MTMR9: variants seen among roughly 807,000 people sequenced by gnomAD.
MTMR9 encodes the protein myotubularin related protein 9, also known as myotubularin-related protein 9.
A neutral mutation model predicts 69.5 loss-of-function variants in MTMR9; 39 were observed. That is an observed-to-expected ratio of 0.56 (90% confidence interval 0.43 to 0.73). The LOEUF (loss-of-function observed/expected upper bound fraction) is 0.73. Ranked by LOEUF, MTMR9 falls within the 30% of genes least tolerant of loss-of-function variation. The pLI is 0.00. For synonymous variants in MTMR9, 354 were observed against 240.8 expected (o/e 1.47, Z -4.35); for missense variants, 900 against 671.2 (o/e 1.34, Z -3.77).
chr8:11,302,131 T>TAAA, intron 3 of MTMR9, among the ~76,000 whole-genome samples: 1 of 151,672 alleles, frequency 6.6e-6, no homozygotes, highest in Admixed American at 6.6e-5. Context: ...TGTGTGTCTT[T>TAAA]GGTCCCAGTT....
intron 4 of MTMR9, among the ~76,000 whole-genome samples, chr8:11,305,821 C>G (rs976554378): frequency 1.3e-5 from 2 of 152,176 alleles, no homozygotes; most frequent in African/African-American, 4.8e-5. Context: ...CCTGCCAACT[C>G]TATGTATGTT....
chr8:11,330,292 TGGG>T (rs975868781), downstream of MTMR9, among the ~76,000 whole-genome samples: 3 of 147,582 alleles, frequency 2.0e-5, no homozygotes, highest in Non-Finnish European at 4.5e-5. Context: ...GGGAGGGAGG[TGGG>T]GGGTCAGCCC....
chr8:11,290,779 C>T (rs1029038221), intron 1 of MTMR9, among the ~76,000 whole-genome samples: 2 of 151,730 alleles, frequency 1.3e-5, no homozygotes, highest in Non-Finnish European at 2.9e-5. Context: ...CATTAATCTG[C>T]TCTTTTGTCA....
At chr8:11,298,335 T>C (rs1799628093) in intron 2 of MTMR9, among the ~76,000 whole-genome samples, 1 of 152,090 alleles carries the variant, frequency 6.6e-6, no homozygotes. Context: ...GCTGTTCTGC[T>C]TCTGTTTGGT....
chr8:11,337,875 T>C, the MTMR9 span, among the ~76,000 whole-genome samples: 1 of 152,226 alleles, frequency 6.6e-6, no homozygotes, highest in Non-Finnish European at 1.5e-5. Flanking sequence ...CACAAGATAG[T>C]ACCTGTCCTC....
chr8:11,331,840 T>A, downstream of MTMR9: 1 of 1,611,980 alleles, frequency 6.2e-7, no homozygotes, highest in South Asian at 1.1e-5. Flanking sequence ...CAGACCCCCG[T>A]GTTGCCCAGT....
the MTMR9 span, among the ~76,000 whole-genome samples, chr8:11,336,571 C>T: frequency 1.3e-5 from 2 of 152,208 alleles, no homozygotes; most frequent in Non-Finnish European, 2.9e-5. Context: ...CCAGCCAAAC[C>T]ATTATTCACT....
At position 11,290,785 on chromosome 8, in the gene MTMR9, T is replaced by C. The variant is rs1444859182; in HGVS notation, c.183-4409T>C. On this transcript the variant is annotated intron_variant, in intron 1 of 9. Transcript: ENST00000221086. ...CCATTGGTTCATTAATCTGCTCTTTTGTCATCATCATATTCTCTTTCCTTC... is the reference window on the plus strand; with the variant it reads ...CCATTGGTTCATTAATCTGCTCTTTCGTCATCATCATATTCTCTTTCCTTC... 2.0e-5 allele frequency among the ~76,000 whole-genome samples: 3 copies of C among 152,076 alleles called. No individual in the cohort carries two copies. The East Asian group carries it at 5.8e-4, about 29-fold the overall frequency.
chr8:11,307,788 C>T (rs1034288010), intron 5 of MTMR9, among the ~76,000 whole-genome samples: 2 of 152,062 alleles, frequency 1.3e-5, no homozygotes, highest in Admixed American at 1.3e-4. Flanking sequence ...TTTCATTTCT[C>T]TGTTGATGAG....
intron 1 of MTMR9, among the ~76,000 whole-genome samples, chr8:11,285,605 G>T (rs1160385493): frequency 6.6e-6 from 1 of 152,156 alleles, no homozygotes; most frequent in Non-Finnish European, 1.5e-5. Context: ...GGGAGATTCT[G>T]ATGTCTTCTC....
At chr8:11,334,171 C>A in the MTMR9 span, among the ~76,000 whole-genome samples, 1 of 152,130 alleles carries the variant, frequency 6.6e-6, no homozygotes, top group Non-Finnish European at 1.5e-5. Flanking sequence ...TATAAATTAT[C>A]CAGTTTGTAG....
At chr8:11,289,496 T>TA (rs1208106547) in intron 1 of MTMR9, among the ~76,000 whole-genome samples, 2 of 152,062 alleles carry the variant, frequency 1.3e-5, no homozygotes, top group Non-Finnish European at 2.9e-5. Flanking sequence ...GTTTTTTTTT[T>TA]AATGGACCTC....
intron 3 of MTMR9, among the ~76,000 whole-genome samples, chr8:11,302,382 T>C (rs902914248): frequency 2.7e-5 from 4 of 150,264 alleles, no homozygotes; most frequent in African/African-American, 7.3e-5. Flanking sequence ...ACCCTTAAGC[T>C]GAGGTATCCC....
At position 11,305,764 on chromosome 8, in the gene MTMR9, T is replaced by G. The variant is rs537342916; in HGVS notation, c.592-426T>G. Among the ~76,000 whole-genome samples, 8 of 152,320 alleles carry G rather than the reference T, an allele frequency of 5.3e-5. No individual in the cohort carries two copies. In the South Asian group the frequency reaches 1.7e-3, roughly 32 times the overall value. ...AACAATGAGAACAGTGTTTGAACTT[T>G]TAAATTTTGCCACTGGTGCCTTTAC... On this transcript the variant is annotated intron_variant, in intron 4 of 9. Transcript: ENST00000221086.
At chr8:11,328,687 G>A (rs1023160485), downstream of MTMR9, among the ~76,000 whole-genome samples, 1 of 152,224 alleles carries the variant, frequency 6.6e-6, no homozygotes, top group Admixed American at 6.5e-5. Context: ...AATTTGTGAA[G>A]AACAGAATAT....
intron 6 of MTMR9, 94 bp downstream of exon 6, chr8:11,309,782 T>C: frequency 1.4e-6 from 2 of 1,382,714 alleles, no homozygotes; most frequent in South Asian, 1.4e-5. Flanking sequence ...ATGTGAAAGT[T>C]TGCAGTAAAT....
chr8:11,302,120 ATG>A (rs1799765765), intron 3 of MTMR9, among the ~76,000 whole-genome samples: 1 of 151,732 alleles, frequency 6.6e-6, no homozygotes, highest in Non-Finnish European at 1.5e-5. Context: ...AGGTGTGATA[ATG>A]TGTGTCTTTG....
chr8:11,304,111 G>A (rs1799849572), intron 3 of MTMR9, among the ~76,000 whole-genome samples: 1 of 151,514 alleles, frequency 6.6e-6, no homozygotes, highest in Non-Finnish European at 1.5e-5. Flanking sequence ...TAATTCTGAT[G>A]TTTAAAATAA....
chr8:11,309,816 A>G (rs1800121069), intron 6 of MTMR9, 128 bp downstream of exon 6: 3 of 913,026 alleles, frequency 3.3e-6, no homozygotes, highest in Non-Finnish European at 4.8e-6. Context: ...AGTCAACACC[A>G]TCCCATTATT....
Sources: allele counts gnomAD v4.1 joint callset (sites outside exome capture counted in the v4.1 genomes callset), GRCh38; gene constraint gnomAD v4.1.1; transcripts MANE v1.5; gene names NCBI Gene and HGNC (gene_info 2026-07-23, HGNC 2026-07-21).